CEP112: variants seen among roughly 807,000 people sequenced by gnomAD.
CEP112 encodes the protein centrosomal protein 112.
CEP112 carries 127 observed loss-of-function variants against 153.0 expected under a neutral mutation model. The observed-to-expected ratio is 0.83, with a 90% CI of 0.72 to 0.96. The LOEUF (loss-of-function observed/expected upper bound fraction) is 0.96, where lower values mean the gene tolerates loss of function less well. CEP112 is among the 40% of genes least tolerant of loss of function. The pLI is 0.00. For synonymous variants in CEP112, 358 were observed against 374.4 expected (o/e 0.96, Z 0.51); for missense variants, 1,089 against 1,101.2 (o/e 0.99, Z 0.16).
chr17:66,112,632 C>T (rs566312665), intron 6 of CEP112, among the ~76,000 whole-genome samples: 3 of 152,070 alleles, frequency 2.0e-5, no homozygotes, highest in East Asian at 1.9e-4. Context: ...CAGAGAAATG[C>T]GCATATTCTT....
rs1191987975 is a variant in CEP112, at chr17:65,821,841, C to T, written c.2394+29963G>A. On this transcript the variant is annotated intron_variant, in intron 21 of 26. Transcript: ENST00000535342. ...TGCTGGGATTACAGGCATGAGCCAC[C>T]GTGCCTGGCCTAATATTGTTTCTTT... Among the ~76,000 whole-genome samples, 4 of 151,428 alleles carry T rather than the reference C, an allele frequency of 2.6e-5. No individual in the cohort carries two copies. The East Asian group carries it at 5.8e-4, about 22-fold the overall frequency.
rs568965799 is a variant in CEP112, at chr17:66,083,134, T to C, written c.768+13117A>G. On this transcript the variant is annotated intron_variant, in intron 8 of 26. Transcript: ENST00000535342. ...TGAACTGTAGCTACCATCATTCCAA[T>C]GTGTTGTGAGAGGGACCCAGTGAGA... Among the ~76,000 whole-genome samples the C allele has an allele frequency of 1.6e-4, 24 of 152,328 alleles. No individual in the cohort carries two copies. The South Asian group carries it at 4.6e-3, about 29-fold the overall frequency.
chr17:65,971,200 T>G (rs541762862), intron 17 of CEP112, among the ~76,000 whole-genome samples: 2 of 152,014 alleles, frequency 1.3e-5, no homozygotes, highest in South Asian at 4.1e-4. Context: ...CATATCACAT[T>G]GCACGTATGT....
intron 20 of CEP112, among the ~76,000 whole-genome samples, chr17:65,896,221 T>G (rs2059654076): frequency 6.6e-6 from 1 of 152,118 alleles, no homozygotes; most frequent in Non-Finnish European, 1.5e-5. Flanking sequence ...AAAGATACAC[T>G]GTATCTTCTA....
chr17:66,176,115 T>A (rs1253861853), intron 3 of CEP112, among the ~76,000 whole-genome samples: 1 of 152,224 alleles, frequency 6.6e-6, no homozygotes, highest in Non-Finnish European at 1.5e-5. Flanking sequence ...TAAATTGTGC[T>A]TTAAGTAAAC....
chr17:65,845,480 CTAAG>C (rs1175683204), intron 21 of CEP112, among the ~76,000 whole-genome samples: 2 of 152,106 alleles, frequency 1.3e-5, no homozygotes, highest in African/African-American at 2.4e-5. Flanking sequence ...TCTTGGGCAG[CTAAG>C]TTAGTATGGC....
At position 65,937,566 on chromosome 17, in the gene CEP112, T is replaced by TG. The variant is rs1292646500; in HGVS notation, c.1873-9878dup. 4.2e-4 allele frequency among the ~76,000 whole-genome samples: 19 copies of TG among 45,136 alleles called. 1 individual carries two copies. The highest frequency in any genetic ancestry group is 1.1e-3 in the African/African-American group (16 of 14,180). 29.6% of individuals were successfully genotyped at this position (45,136 alleles called of 152,430 possible). ...CCAGCCGCCCCGTCCGGGAGGGAGG[T>TG]GGGGGGGGTCAGCCCCCCACCCGGC... On this transcript the variant is annotated intron_variant, in intron 18 of 26. Transcript: ENST00000535342.
At chr17:65,680,622 C>A (rs2047472777) in intron 24 of CEP112, among the ~76,000 whole-genome samples, 1 of 152,134 alleles carries the variant, frequency 6.6e-6, no homozygotes, top group African/African-American at 2.4e-5. Flanking sequence ...CAAAGTGTAC[C>A]ACCTACTGAG....
intron 21 of CEP112, among the ~76,000 whole-genome samples, chr17:65,836,598 T>C (rs2146175872): frequency 6.6e-6 from 1 of 152,296 alleles, no homozygotes; most frequent in Admixed American, 6.5e-5. Flanking sequence ...TAAATATACC[T>C]GCACCCAACA....
chr17:65,995,690 C>T (rs1196398766), intron 17 of CEP112, among the ~76,000 whole-genome samples: 1 of 152,130 alleles, frequency 6.6e-6, no homozygotes, highest in African/African-American at 2.4e-5. Flanking sequence ...TTCTCTTTTA[C>T]AAAATGTCTG....
chr17:66,006,530 C>G (rs1488555399), intron 16 of CEP112, among the ~76,000 whole-genome samples: 1 of 151,846 alleles, frequency 6.6e-6, no homozygotes, highest in African/African-American at 2.4e-5. Context: ...CGCTTGAACC[C>G]AGGAGGTGGA....
chr17:65,779,487 G>A (rs2053882241), intron 21 of CEP112, among the ~76,000 whole-genome samples: 1 of 152,148 alleles, frequency 6.6e-6, no homozygotes, highest in Non-Finnish European at 1.5e-5. Context: ...TTCTCAGTTT[G>A]ATGTCATCAT....
chr17:66,079,385 T>C (rs928343882), intron 8 of CEP112, among the ~76,000 whole-genome samples: 18 of 152,284 alleles, frequency 1.2e-4, no homozygotes, highest in Middle Eastern at 3.4e-3. Flanking sequence ...AAATATGACA[T>C]TCATTAAATA....
chr17:65,924,432 T>C (rs745510936), intron 19 of CEP112, among the ~76,000 whole-genome samples: 2 of 152,200 alleles, frequency 1.3e-5, no homozygotes, highest in South Asian at 2.1e-4. Context: ...AAAATCTATA[T>C]GAATTAGTTT....
At chr17:66,105,659 T>C (rs1010676712) in intron 6 of CEP112, among the ~76,000 whole-genome samples, 23 of 152,098 alleles carry the variant, frequency 1.5e-4, no homozygotes, top group Admixed American at 1.1e-3. Context: ...CTGGGCATTG[T>C]AGCGTGCACC....
chr17:65,645,094 T>C (rs1181351793), intron 24 of CEP112, among the ~76,000 whole-genome samples: 2 of 151,906 alleles, frequency 1.3e-5, no homozygotes, highest in African/African-American at 4.8e-5. Flanking sequence ...TTAGAATAAT[T>C]ACTTGTATTT....
chr17:65,812,483 T>G (rs1251821405), intron 21 of CEP112, among the ~76,000 whole-genome samples: 1 of 152,096 alleles, frequency 6.6e-6, no homozygotes, highest in Non-Finnish European at 1.5e-5. Flanking sequence ...CCCTAAGAGC[T>G]CCAAGAAAAT....
chr17:66,034,605 G>A lies in CEP112; in HGVS notation c.1219-4582C>T, dbSNP rs560182204. 1.4e-4 allele frequency among the ~76,000 whole-genome samples: 18 copies of A among 131,394 alleles called. No homozygotes were observed. In the South Asian group the frequency reaches 4.4e-3, roughly 32 times the overall value. The allele number at this position is 131,394 out of a possible 152,430, so 86.2% of individuals were successfully genotyped here. A position where few individuals can be genotyped will look rare whatever the true frequency, so the allele number is the denominator to read the frequency against. ...TTTCTACAATGTGAATAATTACAGT[G>A]GAGATGAGAGAAAAAATGCTCAGAT... On this transcript the variant is annotated intron_variant, in intron 12 of 26. Transcript: ENST00000535342.
rs76469385 is a variant in CEP112 at position 65,975,208 on chromosome 17, G to A, written c.1737-13610C>T. ...GATATGGTCTATCAATTGAAAAACC[G>A]TTTCCTGCTATTCTAGGTTTGAGCA... On this transcript the variant is annotated intron_variant, in intron 17 of 26. Coordinates refer to ENST00000535342, the MANE Select transcript of CEP112 (RefSeq NM_001199165.4). Among the ~76,000 whole-genome samples the A allele has an allele frequency of 2.8e-3, 419 of 152,206 alleles. 2 individuals carry two copies. The highest frequency in any genetic ancestry group is 9.3e-3 in the African/African-American group (386 of 41,532).
Sources: allele counts gnomAD v4.1 joint callset (sites outside exome capture counted in the v4.1 genomes callset), GRCh38; gene constraint gnomAD v4.1.1; transcripts MANE v1.5; gene names NCBI Gene and HGNC (gene_info 2026-07-23, HGNC 2026-07-21).